The following EIF2AK1 variants were observed in gnomAD, a reference collection of about 807,000 sequenced individuals.
EIF2AK1 encodes the protein eukaryotic translation initiation factor 2 alpha kinase 1.
In EIF2AK1, 54 loss-of-function variants were observed where a neutral mutation model predicts 77.9. The observed-to-expected ratio is 0.69, with a 90% CI of 0.56 to 0.87. The LOEUF (loss-of-function observed/expected upper bound fraction) is 0.87, where lower values mean the gene tolerates loss of function less well. Among genes scored for constraint, EIF2AK1 ranks in the 40% least tolerant of loss-of-function variants. EIF2AK1 has a pLI of 0.00. For missense variants in EIF2AK1, 810 were observed against 768.6 expected (o/e 1.05, Z -0.64); for synonymous variants, 314 against 290.5 (o/e 1.08, Z -0.82).
Position 6,022,446 on chromosome 7 carries a change from C to G in EIF2AK1, c.*2227G>C, listed in dbSNP as rs763419262. ...TCGGGGGTCAGTGTCCCTAACCCCC[C>G]CACTGTTCAAGGGTTAGCTGTACTA... On this transcript the variant is annotated 3_prime_UTR_variant, in exon 15 of 15. Coordinates refer to ENST00000199389, the MANE Select transcript of EIF2AK1 (RefSeq NM_014413.4). 2.0e-5 allele frequency: 3 copies of G among 152,126 alleles called. No individual in the cohort carries two copies. Among genetic ancestry groups the G allele is most frequent in the East Asian group, 1.9e-4 (1 of 5,182 alleles). The allele number at this position is 152,126 out of a possible 1,614,324, so 9.4% of individuals were successfully genotyped here. A position where few individuals can be genotyped will look rare whatever the true frequency, so the allele number is the denominator to read the frequency against.
chr7:6,049,139 G>A (rs1173113497), intron 3 of EIF2AK1, among the ~76,000 whole-genome samples: 6 of 151,982 alleles, frequency 3.9e-5, no homozygotes, highest in African/African-American at 7.3e-5. Context: ...GCTTCTGCCC[G>A]TGCCCCCTCA....
rs1328999301 is a variant in EIF2AK1 at position 6,033,914 on chromosome 7, G to A, written c.1332+3510C>T. On this transcript the variant is annotated intron_variant, in intron 11 of 14. Transcript: ENST00000199389. This position sits in a 1 kb window ranked among gnomAD's most constrained non-coding sequence, Gnocchi z 4.4. Reference sequence around the variant, plus strand: ...ATTACTCTCCACTAGAAGGTAAGCCGCATGAAAGAGAAGTTGACCTTGTGC... The same window carrying A: ...ATTACTCTCCACTAGAAGGTAAGCCACATGAAAGAGAAGTTGACCTTGTGC... 2.0e-5 allele frequency among the ~76,000 whole-genome samples: 3 copies of A among 152,048 alleles called. No homozygotes were observed. Among genetic ancestry groups the A allele is most frequent in the Non-Finnish European group, 2.9e-5 (2 of 68,012 alleles).
chr7:6,038,350 G>A (rs1410024462), intron 10 of EIF2AK1, among the ~76,000 whole-genome samples: 9 of 152,108 alleles, frequency 5.9e-5, no homozygotes, highest in African/African-American at 1.9e-4. Context: ...TGGGAGGATC[G>A]CTTGAGCCAG....
At chr7:6,055,057 G>C (rs566065561) in intron 1 of EIF2AK1, among the ~76,000 whole-genome samples, 1 of 151,948 alleles carries the variant, frequency 6.6e-6, no homozygotes, top group South Asian at 2.1e-4. Flanking sequence ...GTTAGGCAGA[G>C]GATGGCCGGG....
chr7:6,023,129 C>T lies in EIF2AK1; in HGVS notation c.*1544G>A, dbSNP rs1045735917. 1.6e-4 allele frequency: 119 copies of T among 722,824 alleles called. No individual in the cohort carries two copies. Among genetic ancestry groups the T allele is most frequent in the Non-Finnish European group, 2.3e-4 (106 of 462,592 alleles). The allele number at this position is 722,824 out of a possible 1,614,324, so 44.8% of individuals were successfully genotyped here. A position where few individuals can be genotyped will look rare whatever the true frequency, so the allele number is the denominator to read the frequency against. On this transcript the variant is annotated 3_prime_UTR_variant, in exon 15 of 15. Coordinates refer to ENST00000199389, the MANE Select transcript of EIF2AK1 (RefSeq NM_014413.4). ...TTTTTAACATAGTTTGCACTTAAAC[C>T]CTTTTCAGTAGTAAGCATCTTAGAG...
intron 2 of EIF2AK1, among the ~76,000 whole-genome samples, chr7:6,052,072 T>C (rs1240433801): frequency 6.7e-6 from 1 of 149,560 alleles, no homozygotes; most frequent in Non-Finnish European, 1.5e-5. Context: ...CTTGGGAGGC[T>C]GAGGCAAGAG....
At chr7:6,052,193 C>A (rs935689968) in intron 2 of EIF2AK1, among the ~76,000 whole-genome samples, 4 of 146,454 alleles carry the variant, frequency 2.7e-5, no homozygotes, top group Non-Finnish European at 4.5e-5. Context: ...AAAAAAAAGT[C>A]ATCTAAAGAG....
chr7:6,029,085 A>G (rs1469560798), intron 11 of EIF2AK1, 53 bp from the exon 12 acceptor site: 2 of 1,384,718 alleles, frequency 1.4e-6, no homozygotes, highest in African/African-American at 1.4e-5. Context: ...ACAAATAGTA[A>G]TATCTTGTAA....
At chr7:6,050,384 G>A (rs1166402796) in intron 2 of EIF2AK1, among the ~76,000 whole-genome samples, 1 of 151,780 alleles carries the variant, frequency 6.6e-6, no homozygotes, top group African/African-American at 2.4e-5. Context: ...TAGTAAAGAC[G>A]GGGTTTCGCC....
In EIF2AK1 at chr7:6,025,449, C is replaced by T. The variant is rs574643812; in HGVS notation, c.1765-648G>A. Among the ~76,000 whole-genome samples the T allele has an allele frequency of 1.5e-4, 23 of 152,162 alleles. No homozygotes were observed. The South Asian group carries it at 2.3e-3, about 15-fold the overall frequency. On this transcript the variant is annotated intron_variant, in intron 14 of 14. Transcript: ENST00000199389. ...TGCTGGGATTACAGGCGTGAGCCAC[C>T]ACGCCCAATGCTTGTAACTCTTAGA... is the stretch of plus-strand genomic sequence containing the variant.
chr7:6,058,858 A>T (rs1788870786), intron 1 of EIF2AK1, 108 bp downstream of exon 1: 2 of 1,024,404 alleles, frequency 2.0e-6, no homozygotes, highest in Non-Finnish European at 2.7e-6. Context: ...CCCTGGAGGC[A>T]GCCAAAGTCG....
intron 2 of EIF2AK1, among the ~76,000 whole-genome samples, chr7:6,052,893 G>C (rs1453047166): frequency 6.6e-6 from 1 of 152,058 alleles, no homozygotes; most frequent in Non-Finnish European, 1.5e-5. Flanking sequence ...AACCCGGGGG[G>C]CGGAGATTGC....
chr7:6,056,729 A>T (rs1788785468), intron 1 of EIF2AK1, among the ~76,000 whole-genome samples: 1 of 150,406 alleles, frequency 6.6e-6, no homozygotes, highest in Non-Finnish European at 1.5e-5. Context: ...AAAAATTTTA[A>T]AAGCTTATCT....
intron 9 of EIF2AK1, among the ~76,000 whole-genome samples, chr7:6,039,529 G>A (rs1274591773): frequency 6.7e-6 from 1 of 150,224 alleles, no homozygotes; most frequent in Non-Finnish European, 1.5e-5. Flanking sequence ...GCTGAGGCAG[G>A]AGAATCGCTT....
At chr7:6,041,685 AC>A (rs988832998) in intron 8 of EIF2AK1, among the ~76,000 whole-genome samples, 7 of 152,100 alleles carry the variant, frequency 4.6e-5, no homozygotes, top group African/African-American at 1.7e-4. Flanking sequence ...ACTAAAAAAT[AC>A]AAAAATTGGC....
At chr7:6,043,561 C>G (rs531463524) in intron 7 of EIF2AK1, among the ~76,000 whole-genome samples, 1 of 151,866 alleles carries the variant, frequency 6.6e-6, no homozygotes, top group Non-Finnish European at 1.5e-5. Context: ...CCCGAGTAGC[C>G]GGGACTACAG....
chr7:6,058,887 C>T, intron 1 of EIF2AK1, 79 bp downstream of exon 1: 5 of 1,335,838 alleles, frequency 3.7e-6, no homozygotes, highest in East Asian at 3.1e-5. Context: ...CTCAGGCAAA[C>T]CTCAGGGCTG....
Position 6,024,750 on chromosome 7 carries a change from C to G in EIF2AK1, c.1816G>C (p.Glu606Gln), listed in dbSNP as rs1171291270. The G allele has an allele frequency of 1.9e-6, 3 of 1,593,334 alleles. No individual in the cohort carries two copies. The highest frequency in any genetic ancestry group is 2.6e-6 in the Non-Finnish European group (3 of 1,173,562). ...KIIEQEKEIA[E>Q]LKKQLNLLSQ... is the part of the protein sequence containing the mutation. ...AGGAGGTTTAGCTGCTTCTTTAGTT[C>G]TGCAATTTCTTTTTCTTGCTCTATT... is the stretch of plus-strand genomic sequence containing the variant. Residue 606 changes from glutamate (E) to glutamine (Q), a missense_variant, in exon 15 of 15, where the codon GAA becomes CAA. Transcript: ENST00000199389.
rs568080801 is a variant in EIF2AK1 at position 6,022,994 on chromosome 7, G to C, written c.*1679C>G. 3.2e-5 allele frequency: 9 copies of C among 284,508 alleles called. No homozygotes were observed. The highest frequency in any genetic ancestry group is 4.7e-5 in the Admixed American group (1 of 21,258). 17.6% of individuals were successfully genotyped at this position (284,508 alleles called of 1,614,324 possible). On this transcript the variant is annotated 3_prime_UTR_variant, in exon 15 of 15. Transcript: ENST00000199389. The stretch of plus-strand genomic sequence containing the variant: ...GGGAGATGCAGCTCCTGGGTTTCCA[G>C]CCCTCAGCCCCCAAAACCTTAGGCA...
Sources: gnomAD v4.1 joint callset for allele counts (sites outside exome capture counted in the v4.1 genomes callset) on GRCh38, gnomAD v4.1.1 for gene constraint, Gnocchi (gnomAD v3.1) non-coding constraint, MANE v1.5 for transcripts, NCBI Gene and HGNC (gene_info 2026-07-23, HGNC 2026-07-21) for gene names.